Variants in FIG4 observed in about 807,000 individuals in gnomAD.
FIG4 encodes polyphosphoinositide phosphatase.
FIG4 carries 112 observed loss-of-function variants against 118.6 expected under a neutral mutation model. The observed-to-expected ratio is 0.94, with a 90% CI of 0.81 to 1.11. The LOEUF is 1.11. FIG4 is among the 50% of genes least tolerant of loss of function. FIG4 has a pLI of 0.00. For synonymous variants in FIG4, 369 were observed against 381.2 expected (o/e 0.97, Z 0.37); for missense variants, 969 against 1,111.7 (o/e 0.87, Z 1.83).
At chr6:109,793,380 A>G (rs767708262) in intron 21 of FIG4, among the ~76,000 whole-genome samples, 1 of 152,246 alleles carries the variant, frequency 6.6e-6, no homozygotes, top group South Asian at 2.1e-4. Context: ...TCACAATGTT[A>G]TAGGCCTTTA....
chr6:109,750,757 A>G (rs1232137740), intron 10 of FIG4, among the ~76,000 whole-genome samples: 1 of 152,190 alleles, frequency 6.6e-6, no homozygotes, highest in Non-Finnish European at 1.5e-5. Flanking sequence ...TACACTATGG[A>G]CAGACAATGC....
chr6:109,766,339 G>A (rs948102545), intron 14 of FIG4, among the ~76,000 whole-genome samples: 4 of 152,182 alleles, frequency 2.6e-5, no homozygotes, highest in East Asian at 1.9e-4. Context: ...GCAGCAGCTC[G>A]AATGGACTGA....
intron 10 of FIG4, among the ~76,000 whole-genome samples, chr6:109,745,001 A>G (rs954644391): frequency 3.7e-4 from 56 of 152,244 alleles, no homozygotes; most frequent in African/African-American, 8.4e-4. Context: ...ATAGTATTCC[A>G]TGGTGTATAT....
chr6:109,734,105 CAATTG>C (rs2128385473), intron 5 of FIG4, among the ~76,000 whole-genome samples: 1 of 151,842 alleles, frequency 6.6e-6, no homozygotes, highest in African/African-American at 2.4e-5. Flanking sequence ...AAAAATGATA[CAATTG>C]AACTTCACAG....
At chr6:109,707,047 T>C (rs888832036) in intron 1 of FIG4, among the ~76,000 whole-genome samples, 1 of 152,324 alleles carries the variant, frequency 6.6e-6, no homozygotes, top group African/African-American at 2.4e-5. Context: ...CATCGAATCC[T>C]GTCACTGGAT....
rs1290272381 is a variant in FIG4, at chr6:109,741,441, A to G, written c.776-3A>G. On this transcript the variant is annotated splice_polypyrimidine_tract_variant and splice_region_variant and intron_variant, in intron 7 of 22. Coordinates refer to ENST00000230124, the MANE Select transcript of FIG4 (RefSeq NM_014845.6). ...GCTAAACAACCTTAACTTGATTTCC[A>G]AGAGCTGTTGATCTATGGACGACCA... 1.3e-6 allele frequency: 2 copies of G among 1,599,048 alleles called. No individual in the cohort carries two copies. Among genetic ancestry groups the G allele is most frequent in the Admixed American group, 3.3e-5 (2 of 59,922 alleles).
At chr6:109,691,648 A>G (rs1309258956) in intron 1 of FIG4, 147 bp downstream of exon 1, 1 of 769,706 alleles carries the variant, frequency 1.3e-6, no homozygotes, top group African/African-American at 1.7e-5. Flanking sequence ...GGGGTAAGCT[A>G]GCTCCCTTGA....
intron 22 of FIG4, among the ~76,000 whole-genome samples, chr6:109,798,681 T>C (rs1203872812): frequency 3.3e-5 from 5 of 152,136 alleles, no homozygotes; most frequent in Non-Finnish European, 5.9e-5. Flanking sequence ...GACAGAGACA[T>C]AGAAAAACCT....
rs1300442898 is a variant in FIG4 at position 109,707,388 on chromosome 6, CAT to C, written c.67-7687_67-7686del. Reference sequence around the variant, plus strand: ...GTGTATATATATATACATATATACACATATGTATACATACATATACATATATA... The same window carrying C: ...GTGTATATATATATACATATATACACATGTATACATACATATACATATATA... On this transcript the variant is annotated intron_variant, in intron 1 of 22. Transcript: ENST00000230124. 3.4e-5 allele frequency among the ~76,000 whole-genome samples: 5 copies of C among 146,840 alleles called. No homozygotes were observed. In the East Asian group the frequency reaches 5.9e-4, roughly 17 times the overall value.
At chr6:109,752,118 T>G (rs1225576290) in intron 10 of FIG4, among the ~76,000 whole-genome samples, 5 of 151,748 alleles carry the variant, frequency 3.3e-5, no homozygotes, top group African/African-American at 9.7e-5. Context: ...GATAGTTTAC[T>G]GAGAATGATG....
At chr6:109,700,904 A>G (rs924343599) in intron 1 of FIG4, among the ~76,000 whole-genome samples, 2 of 152,232 alleles carry the variant, frequency 1.3e-5, no homozygotes, top group African/African-American at 4.8e-5. Context: ...AAAATCTAAG[A>G]AAACAGAAAA....
intron 10 of FIG4, among the ~76,000 whole-genome samples, chr6:109,749,055 CTG>C (rs113357544): frequency 0.14 from 18,191 of 132,098 alleles, 1,253 homozygotes; most frequent in East Asian, 0.23. Context: ...CAAAGGAGCT[CTG>C]TGTGTGTGTG....
At chr6:109,761,440 C>T (rs2128391288) in intron 11 of FIG4, among the ~76,000 whole-genome samples, 2 of 152,228 alleles carry the variant, frequency 1.3e-5, no homozygotes, top group South Asian at 2.1e-4. Context: ...GGCTGGAGTG[C>T]AGTGGCGCAA....
chr6:109,748,927 T>C (rs1776595135), intron 10 of FIG4, among the ~76,000 whole-genome samples: 1 of 152,054 alleles, frequency 6.6e-6, no homozygotes, highest in South Asian at 2.1e-4. Context: ...GGCGCTACAA[T>C]TCAAGATGAG....
intron 4 of FIG4, among the ~76,000 whole-genome samples, chr6:109,731,076 A>G (rs1225575334): frequency 6.6e-6 from 1 of 152,224 alleles, no homozygotes; most frequent in Non-Finnish European, 1.5e-5. Flanking sequence ...GGCAGCTCAC[A>G]GTAGAGATTC....
chr6:109,789,303 A>T (rs1425755232), intron 18 of FIG4, among the ~76,000 whole-genome samples: 2 of 152,232 alleles, frequency 1.3e-5, no homozygotes, highest in African/African-American at 4.8e-5. Flanking sequence ...ATCATAGAGA[A>T]TTCACAGTTA....
At chr6:109,797,861 A>G (rs1562690534) in intron 22 of FIG4, among the ~76,000 whole-genome samples, 1 of 146,896 alleles carries the variant, frequency 6.8e-6, no homozygotes, top group Non-Finnish European at 1.5e-5. Context: ...GCACCACTGC[A>G]CTCCAGCTTG....
At chr6:109,815,008 T>A (rs995174121) in intron 22 of FIG4, among the ~76,000 whole-genome samples, 1 of 151,792 alleles carries the variant, frequency 6.6e-6, no homozygotes, top group Non-Finnish European at 1.5e-5. Context: ...ATATCTATTT[T>A]ATATATTATA....
intron 22 of FIG4, among the ~76,000 whole-genome samples, chr6:109,823,921 C>T (rs916286381): frequency 6.6e-6 from 1 of 152,346 alleles, no homozygotes; most frequent in Admixed American, 6.5e-5. Context: ...CCCCCAGCCC[C>T]TCACACTGCC....
Sources: allele counts gnomAD v4.1 joint callset (sites outside exome capture counted in the v4.1 genomes callset), GRCh38; gene constraint gnomAD v4.1.1; transcripts MANE v1.5; gene names NCBI Gene and HGNC (gene_info 2026-07-23, HGNC 2026-07-21).